RAD51B: variants seen among roughly 807,000 people sequenced by gnomAD.
RAD51B encodes RAD51 paralog B.
Under a neutral mutation model 42.2 loss-of-function variants are expected in RAD51B, and 38 were observed. That is an observed-to-expected ratio of 0.90 (90% CI 0.70 to 1.18). RAD51B has a LOEUF of 1.18. Ranked by LOEUF, RAD51B falls within the 50% of genes most tolerant of loss-of-function variation. RAD51B has a pLI of 0.00. For missense variants in RAD51B, 373 were observed against 400.7 expected (o/e 0.93, Z 0.59); for synonymous variants, 154 against 145.2 (o/e 1.06, Z -0.43).
At chr14:68,542,016 T>C (rs971680661) in intron 10 of RAD51B, among the ~76,000 whole-genome samples, 1 of 152,238 alleles carries the variant, frequency 6.6e-6, no homozygotes, top group Non-Finnish European at 1.5e-5. Context: ...ACACATGTAT[T>C]ACTTTCCTAA....
chr14:68,511,178 G>A (rs1386628451), intron 10 of RAD51B, among the ~76,000 whole-genome samples: 1 of 152,164 alleles, frequency 6.6e-6, no homozygotes, highest in East Asian at 1.9e-4. Context: ...TGGAAGAAAT[G>A]GTCAGATTTA....
chr14:68,625,210 T>C (rs1455769721), intron 10 of RAD51B, among the ~76,000 whole-genome samples: 4 of 152,024 alleles, frequency 2.6e-5, no homozygotes, highest in Non-Finnish European at 4.4e-5. Flanking sequence ...AGGCCATAGC[T>C]CCCCTACACC....
At chr14:68,669,815 G>A (rs1363725921) in intron 11 of RAD51B, among the ~76,000 whole-genome samples, 1 of 152,216 alleles carries the variant, frequency 6.6e-6, no homozygotes, top group Non-Finnish European at 1.5e-5. Context: ...CAGAACCCTG[G>A]GCCTTGCTGG....
chr14:68,156,679 G>T (rs1018042182), intron 7 of RAD51B, among the ~76,000 whole-genome samples: 4 of 152,044 alleles, frequency 2.6e-5, no homozygotes, highest in African/African-American at 9.7e-5. Context: ...TTTAGGAAAA[G>T]ATAAAATGTT....
intron 8 of RAD51B, among the ~76,000 whole-genome samples, chr14:68,396,243 C>T (rs376799698): frequency 6.6e-6 from 1 of 152,158 alleles, no homozygotes; most frequent in South Asian, 2.1e-4. Context: ...ATTTTTATCA[C>T]GTAAAGCACT....
chr14:68,550,260 C>T (rs1888465137), intron 10 of RAD51B, among the ~76,000 whole-genome samples: 1 of 152,202 alleles, frequency 6.6e-6, no homozygotes, highest in South Asian at 2.1e-4. Flanking sequence ...AGGATTCTTT[C>T]CTGGAGGGGT....
chr14:67,894,628 T>C (rs1461603905), intron 7 of RAD51B, among the ~76,000 whole-genome samples: 3 of 152,226 alleles, frequency 2.0e-5, no homozygotes, highest in East Asian at 1.9e-4. Context: ...TTTCTTAAAA[T>C]ATGTAAGTAG....
intron 7 of RAD51B, among the ~76,000 whole-genome samples, chr14:68,234,086 G>GGA (rs1345078345): frequency 1.3e-5 from 2 of 152,180 alleles, no homozygotes; most frequent in African/African-American, 4.8e-5. Context: ...AGCAGTAAGA[G>GGA]GAGAGGTGAA....
At chr14:68,309,140 A>C (rs928666514) in intron 8 of RAD51B, among the ~76,000 whole-genome samples, 1 of 152,152 alleles carries the variant, frequency 6.6e-6, no homozygotes, top group Admixed American at 6.6e-5. Context: ...TTCACGAGTT[A>C]TCTTGCTTAT....
intron 7 of RAD51B, among the ~76,000 whole-genome samples, chr14:67,938,448 C>T (rs923169016): frequency 6.6e-6 from 1 of 152,176 alleles, no homozygotes. Flanking sequence ...AGTATTGCTC[C>T]TTCAAGTGGA....
intron 8 of RAD51B, 37 bp downstream of exon 8, chr14:68,292,017 C>G (rs759605775): frequency 6.5e-7 from 1 of 1,536,598 alleles, no homozygotes; most frequent in Non-Finnish European, 9.0e-7. Flanking sequence ...AAACTTGACA[C>G]TGACATAGAG....
intron 7 of RAD51B, among the ~76,000 whole-genome samples, chr14:68,220,820 A>G (rs1303020559): frequency 6.6e-6 from 1 of 152,200 alleles, no homozygotes; most frequent in Admixed American, 6.5e-5. Context: ...AACAGCAGCC[A>G]AGCTGAGAAT....
chr14:68,389,933 G>A (rs1322630313), intron 8 of RAD51B, among the ~76,000 whole-genome samples: 1 of 152,116 alleles, frequency 6.6e-6, no homozygotes, highest in Non-Finnish European at 1.5e-5. Context: ...TTAAACCTAG[G>A]TATTCTGCGA....
intron 5 of RAD51B, among the ~76,000 whole-genome samples, chr14:67,876,560 CATAG>C (rs2042734058): frequency 6.6e-6 from 1 of 152,150 alleles, no homozygotes; most frequent in South Asian, 2.1e-4. Flanking sequence ...CAAATTAAGG[CATAG>C]ATAGTCACTT....
At chr14:68,012,153 T>C (rs2075694850) in intron 7 of RAD51B, among the ~76,000 whole-genome samples, 1 of 152,186 alleles carries the variant, frequency 6.6e-6, no homozygotes, top group African/African-American at 2.4e-5. Context: ...GATTTTCATT[T>C]ACTGACCTAG....
chr14:68,279,720 G>T (rs1474566764), intron 7 of RAD51B, among the ~76,000 whole-genome samples: 1 of 151,860 alleles, frequency 6.6e-6, no homozygotes, highest in Non-Finnish European at 1.5e-5. Flanking sequence ...CAACCCATCC[G>T]AAAAATAAAT....
intron 7 of RAD51B, among the ~76,000 whole-genome samples, chr14:68,025,582 C>CT (rs1162199910): frequency 7.1e-6 from 1 of 140,214 alleles, no homozygotes; most frequent in Non-Finnish European, 1.5e-5. Flanking sequence ...GGGTTTCAGT[C>CT]TCTTCCTGAT....
intron 7 of RAD51B, among the ~76,000 whole-genome samples, chr14:67,964,015 G>T (rs2074719537): frequency 6.6e-6 from 1 of 151,868 alleles, no homozygotes; most frequent in Non-Finnish European, 1.5e-5. Flanking sequence ...CAACTGAAAT[G>T]AATGAGACTT....
At chr14:68,576,260 C>G (rs1889956840) in intron 10 of RAD51B, among the ~76,000 whole-genome samples, 1 of 152,216 alleles carries the variant, frequency 6.6e-6, no homozygotes, top group Admixed American at 6.5e-5. Flanking sequence ...TCCTAGCACT[C>G]AGCCCCAGGG....
Sources: allele counts gnomAD v4.1 joint callset (sites outside exome capture counted in the v4.1 genomes callset), GRCh38; gene constraint gnomAD v4.1.1; transcripts MANE v1.5; gene names NCBI Gene and HGNC (gene_info 2026-07-23, HGNC 2026-07-21).